The following SLC2A13 variants were observed in gnomAD, a reference collection of about 807,000 sequenced individuals.
SLC2A13 encodes proton myo-inositol cotransporter.
SLC2A13 carries 32 observed loss-of-function variants against 64.4 expected under a neutral mutation model. The observed-to-expected ratio is 0.50, with a 90% CI of 0.37 to 0.67. SLC2A13 has a LOEUF of 0.67. SLC2A13 is among the 30% of genes least tolerant of loss of function. The pLI, the probability that SLC2A13 is intolerant of heterozygous loss-of-function variation, is 0.00. For synonymous variants in SLC2A13, 338 were observed against 327.1 expected (o/e 1.03, Z -0.36); for missense variants, 743 against 829.2 (o/e 0.90, Z 1.28).
chr12:39,815,274 G>A (rs1942308391), intron 7 of SLC2A13, among the ~76,000 whole-genome samples: 1 of 152,168 alleles, frequency 6.6e-6, no homozygotes, highest in Admixed American at 6.5e-5. Flanking sequence ...AGAGAAAACA[G>A]AATAAAGCAG....
At chr12:39,925,560 A>G (rs949924742) in intron 4 of SLC2A13, among the ~76,000 whole-genome samples, 41 of 152,214 alleles carry the variant, frequency 2.7e-4, no homozygotes, top group Non-Finnish European at 5.3e-4. Flanking sequence ...CTTTAAAAAT[A>G]TATCAAATAA....
intron 3 of SLC2A13, among the ~76,000 whole-genome samples, chr12:40,010,793 A>G (rs905701110): frequency 2.6e-5 from 4 of 152,218 alleles, no homozygotes; most frequent in African/African-American, 9.7e-5. Flanking sequence ...GCACAATGGC[A>G]TAAACAGATT....
intron 1 of SLC2A13, among the ~76,000 whole-genome samples, chr12:40,079,203 G>C (rs1360710941): frequency 1.3e-5 from 2 of 152,062 alleles, no homozygotes; most frequent in Non-Finnish European, 2.9e-5. Context: ...AGTTCCTCTA[G>C]GTGTGATGCT....
intron 1 of SLC2A13, among the ~76,000 whole-genome samples, chr12:40,072,017 T>G (rs1937978159): frequency 6.6e-6 from 1 of 152,132 alleles, no homozygotes; most frequent in Non-Finnish European, 1.5e-5. Flanking sequence ...GAAGACTGAC[T>G]CTAGCACTTT....
At chr12:39,851,287 G>T (rs1943460446) in intron 6 of SLC2A13, among the ~76,000 whole-genome samples, 1 of 152,106 alleles carries the variant, frequency 6.6e-6, no homozygotes, top group Non-Finnish European at 1.5e-5. Flanking sequence ...ACGCTACTCA[G>T]TTCTTCTTAT....
intron 1 of SLC2A13, among the ~76,000 whole-genome samples, chr12:40,048,775 A>T (rs1948207445): frequency 1.3e-5 from 2 of 152,180 alleles, no homozygotes; most frequent in South Asian, 4.1e-4. Flanking sequence ...GTATTTGATT[A>T]TATTAGCTTT....
intron 6 of SLC2A13, among the ~76,000 whole-genome samples, chr12:39,842,810 A>G (rs1433308106): frequency 6.6e-6 from 1 of 151,282 alleles, no homozygotes; most frequent in Non-Finnish European, 1.5e-5. Flanking sequence ...CCACGAATCT[A>G]CTCTTTGTCT....
chr12:39,800,160 T>C (rs1460036010), intron 7 of SLC2A13, among the ~76,000 whole-genome samples: 1 of 152,204 alleles, frequency 6.6e-6, no homozygotes, highest in Admixed American at 6.5e-5. Flanking sequence ...GTAATATAAC[T>C]TTAAATCCTT....
intron 2 of SLC2A13, among the ~76,000 whole-genome samples, chr12:40,043,724 A>G (rs1948130036): frequency 6.7e-6 from 1 of 149,970 alleles, no homozygotes; most frequent in Non-Finnish European, 1.5e-5. Flanking sequence ...TCAACACTAC[A>G]ATATATTAGG....
chr12:40,017,149 A>G (rs538891642), intron 3 of SLC2A13, among the ~76,000 whole-genome samples: 6 of 152,288 alleles, frequency 3.9e-5, no homozygotes, highest in Admixed American at 2.6e-4. Context: ...AGACATCACC[A>G]TCCACTCCTC....
At chr12:40,079,107 T>G (rs749853498) in intron 1 of SLC2A13, among the ~76,000 whole-genome samples, 6 of 152,198 alleles carry the variant, frequency 3.9e-5, no homozygotes, top group Non-Finnish European at 8.8e-5. Context: ...TTATATGAAT[T>G]TTCACCTGTG....
intron 7 of SLC2A13, among the ~76,000 whole-genome samples, chr12:39,783,707 TG>T (rs1941081440): frequency 6.6e-6 from 1 of 152,208 alleles, no homozygotes; most frequent in South Asian, 2.1e-4. Context: ...GCCCACTTTT[TG>T]GGGGTTGTTT....
chr12:39,929,928 C>T (rs1220301652), intron 4 of SLC2A13, among the ~76,000 whole-genome samples: 1 of 151,866 alleles, frequency 6.6e-6, no homozygotes, highest in Non-Finnish European at 1.5e-5. Flanking sequence ...GTCAGGAGTT[C>T]GAGACCAGCC....
intron 7 of SLC2A13, among the ~76,000 whole-genome samples, chr12:39,804,162 C>T (rs1269354566): frequency 6.6e-6 from 1 of 151,774 alleles, no homozygotes; most frequent in Non-Finnish European, 1.5e-5. Flanking sequence ...GGAGACAAAC[C>T]CACATATACA....
chr12:39,947,656 T>C (rs575504598), intron 4 of SLC2A13, among the ~76,000 whole-genome samples: 57 of 150,740 alleles, frequency 3.8e-4, no homozygotes, highest in African/African-American at 1.3e-3. Flanking sequence ...CAGTGAGAAT[T>C]TCTTTTTTTT....
chr12:39,845,681 C>A (rs554904004), intron 6 of SLC2A13, among the ~76,000 whole-genome samples: 1 of 152,120 alleles, frequency 6.6e-6, no homozygotes, highest in African/African-American at 2.4e-5. Flanking sequence ...AGGCATCCCC[C>A]TAGATAGCAT....
chr12:40,092,019 C>T (rs1320948932), intron 1 of SLC2A13, among the ~76,000 whole-genome samples: 1 of 152,158 alleles, frequency 6.6e-6, no homozygotes, highest in African/African-American at 2.4e-5. Flanking sequence ...TTCCTCTGCA[C>T]GACTGTGTCT....
intron 1 of SLC2A13, among the ~76,000 whole-genome samples, chr12:40,050,008 A>G (rs1242956019): frequency 1.3e-5 from 2 of 152,110 alleles, no homozygotes; most frequent in Non-Finnish European, 2.9e-5. Context: ...TCACAATTAA[A>G]TCATCACCTA....
chr12:40,036,489 G>A (rs1947986988), intron 2 of SLC2A13, among the ~76,000 whole-genome samples: 1 of 152,080 alleles, frequency 6.6e-6, no homozygotes, highest in Non-Finnish European at 1.5e-5. Context: ...CCCCATTGCC[G>A]TAGACAACCA....
Sources: allele counts gnomAD v4.1 joint callset (sites outside exome capture counted in the v4.1 genomes callset), GRCh38; gene constraint gnomAD v4.1.1; transcripts MANE v1.5; gene names NCBI Gene and HGNC (gene_info 2026-07-23, HGNC 2026-07-21).